The following ABR variants were observed in gnomAD, a reference collection of about 807,000 sequenced individuals.
ABR encodes the protein ABR activator of RhoGEF and GTPase, also known as active breakpoint cluster region-related protein.
ABR carries 35 observed loss-of-function variants against 107.2 expected under a neutral mutation model. The ratio of observed to expected loss-of-function variants is 0.33; its 90% CI spans 0.25 to 0.43. The LOEUF (loss-of-function observed/expected upper bound fraction) is 0.43, where lower values mean the gene tolerates loss of function less well. Among genes scored for constraint, ABR ranks in the 20% least tolerant of loss-of-function variants. The pLI is 1.00. For missense variants in ABR, 815 were observed against 1,115.2 expected, an observed-to-expected ratio of 0.73 and a Z score of 3.83; for synonymous variants, 498 against 462.0, an observed-to-expected ratio of 1.08 and a Z score of -1.00.
chr17:1,048,140 T>C (rs2031913134), intron 16 of ABR, among the ~76,000 whole-genome samples: 1 of 151,932 alleles, frequency 6.6e-6, no homozygotes, highest in African/African-American at 2.4e-5. Flanking sequence ...AGAGAGCAGG[T>C]CCCAGGGACT....
intron 1 of ABR, among the ~76,000 whole-genome samples, chr17:1,195,677 G>C (rs1361937293): frequency 1.3e-5 from 2 of 151,442 alleles, no homozygotes; most frequent in African/African-American, 4.9e-5. Flanking sequence ...GGTGGTGGGC[G>C]CCTGTAGTCC....
chr17:1,093,634 C>T (rs1283534010), intron 3 of ABR, among the ~76,000 whole-genome samples: 3 of 152,148 alleles, frequency 2.0e-5, no homozygotes, highest in Non-Finnish European at 4.4e-5. Context: ...TGGGTGACTC[C>T]ACTGCTGAAA....
chr17:1,166,790 A>T (rs1159285486), intron 1 of ABR, among the ~76,000 whole-genome samples: 2 of 152,166 alleles, frequency 1.3e-5, no homozygotes. Flanking sequence ...ACCTGAGGTC[A>T]GGAGTTTGAG....
At chr17:1,053,793 C>T (rs1232046497) in intron 14 of ABR, among the ~76,000 whole-genome samples, 2 of 152,050 alleles carry the variant, frequency 1.3e-5, no homozygotes, top group Admixed American at 6.5e-5. Flanking sequence ...GACCTCCCGG[C>T]CAACGGGAAG....
intron 14 of ABR, among the ~76,000 whole-genome samples, chr17:1,053,751 T>G (rs1286075371): frequency 6.6e-6 from 1 of 152,066 alleles, no homozygotes; most frequent in East Asian, 1.9e-4. Context: ...CCGCCCAGGC[T>G]GGGAGGCCAC....
rs559325512 is a variant in ABR at position 1,148,723 on chromosome 17, G to A, written c.62-23356C>T. ...TGGAAAAAGTGTCTTCCACGAAGCC[G>A]GTCCCTGGTGCGCTGGTTTCACAGA... is the stretch of plus-strand genomic sequence containing the variant. On this transcript the variant is annotated intron_variant, in intron 1 of 22. Coordinates refer to ENST00000302538, the MANE Select transcript of ABR (RefSeq NM_021962.5). This position sits in a 1 kb window ranked among gnomAD's most constrained non-coding sequence, Gnocchi z 4.9. Among the ~76,000 whole-genome samples, 1 of 152,290 alleles carries A rather than the reference G, an allele frequency of 6.6e-6. No individual in the cohort carries two copies. The highest frequency in any genetic ancestry group is 2.4e-5 in the African/African-American group (1 of 41,564).
At chr17:1,024,712 G>A (rs1018791651) in intron 16 of ABR, among the ~76,000 whole-genome samples, 32 of 150,412 alleles carry the variant, frequency 2.1e-4, no homozygotes, top group African/African-American at 7.8e-4. Flanking sequence ...CTTGAGCCTG[G>A]GAGATGGAGG....
In ABR at chr17:1,010,692, T is replaced by C. The variant is rs769547647; in HGVS notation, c.2236+37A>G. ...CCGGGCAGGGAGTCCTGGCTCAGTCTGGCCCAGCCCAGTCCTAGGAGCCCT... is the reference window on the plus strand; with the variant it reads ...CCGGGCAGGGAGTCCTGGCTCAGTCCGGCCCAGCCCAGTCCTAGGAGCCCT... On this transcript the variant is annotated intron_variant, in intron 20 of 22. Coordinates refer to ENST00000302538, the MANE Select transcript of ABR (RefSeq NM_021962.5). This position sits in a 1 kb window ranked among gnomAD's most constrained non-coding sequence, Gnocchi z 4.1. The C allele has an allele frequency of 6.2e-7, 1 of 1,606,174 alleles. No individual in the cohort carries two copies. The highest frequency in any genetic ancestry group is 8.5e-7 in the Non-Finnish European group (1 of 1,175,988).
At chr17:1,096,434 G>A (rs371873571) in intron 3 of ABR, among the ~76,000 whole-genome samples, 121 of 152,308 alleles carry the variant, frequency 7.9e-4, no homozygotes, top group African/African-American at 2.9e-3. Flanking sequence ...AGAGCAGAAG[G>A]TTTAGCTTCC....
At chr17:1,155,004 C>T (rs1380958394) in intron 1 of ABR, 1 of 152,004 alleles carries the variant, frequency 6.6e-6, no homozygotes, top group Non-Finnish European at 1.5e-5. Flanking sequence ...AGATCCCTTC[C>T]CGGGCGCCCT....
rs1292490844 is a variant in ABR, at chr17:1,084,018, G to C, written c.532-391C>G. On this transcript the variant is annotated intron_variant, in intron 4 of 22. Coordinates refer to ENST00000302538, the MANE Select transcript of ABR (RefSeq NM_021962.5). The surrounding 1 kb of genome is among the most constrained non-coding windows in gnomAD (Gnocchi z 4.2). ...AATTAGCCGGAGCAGGGAGAGAGGG[G>C]GGTGTGTGTGCTGGGGGGAGCTGGC... is the stretch of plus-strand genomic sequence containing the variant. 6.6e-6 allele frequency among the ~76,000 whole-genome samples: 1 copy of C among 152,142 alleles called. No homozygotes were observed. The highest frequency in any genetic ancestry group is 1.5e-5 in the Non-Finnish European group (1 of 68,018).
chr17:1,159,330 ACTCACGCACAAG>A, intron 1 of ABR, among the ~76,000 whole-genome samples: 1 of 105,630 alleles, frequency 9.5e-6, no homozygotes, highest in South Asian at 3.4e-4. Flanking sequence ...AGAATGCAGT[ACTCACGCACAAG>A]GGAAGTATGC....
intron 1 of ABR, among the ~76,000 whole-genome samples, chr17:1,193,306 C>A (rs1297118488): frequency 6.6e-6 from 1 of 151,666 alleles, no homozygotes; most frequent in Non-Finnish European, 1.5e-5. Context: ...TCAGGACTCC[C>A]CCGCTCTCCC....
At chr17:1,086,780 C>T (rs931822147) in intron 4 of ABR, among the ~76,000 whole-genome samples, 3 of 152,166 alleles carry the variant, frequency 2.0e-5, no homozygotes, top group African/African-American at 4.8e-5. Context: ...GGATTACGGG[C>T]GTGAGCCACC....
At chr17:1,149,463 C>G (rs1338622161) in intron 1 of ABR, among the ~76,000 whole-genome samples, 1 of 146,130 alleles carries the variant, frequency 6.8e-6, no homozygotes, top group African/African-American at 2.5e-5. Context: ...CTCACTCTGT[C>G]ACCCAGGCTG....
rs959336479 is a variant in ABR, at chr17:1,062,030, C to A, written c.1183-3163G>T. Among the ~76,000 whole-genome samples the A allele has an allele frequency of 3.9e-5, 6 of 152,314 alleles. 1 individual carries two copies. The highest frequency in any genetic ancestry group is 4.4e-5 in the Non-Finnish European group (3 of 68,032). ...CAGGATCTGGGGACAGGGCACCCAA[C>A]CAAGACTGTGGTGGGCGTGGGTGTC... On this transcript the variant is annotated intron_variant, in intron 10 of 22. Coordinates refer to ENST00000302538, the MANE Select transcript of ABR (RefSeq NM_021962.5).
upstream of ABR, among the ~76,000 whole-genome samples, chr17:1,184,218 G>A (rs977202518): frequency 1.3e-5 from 2 of 151,626 alleles, no homozygotes. Context: ...TACTCTGGGA[G>A]GCCGAGGTGG....
At chr17:1,124,394 A>C (rs1464111983) in intron 2 of ABR, among the ~76,000 whole-genome samples, 1 of 152,154 alleles carries the variant, frequency 6.6e-6, no homozygotes, top group Non-Finnish European at 1.5e-5. Context: ...GCCTCCTGCA[A>C]CACACACCCC....
chr17:1,020,894 C>G (rs531032961), intron 16 of ABR, among the ~76,000 whole-genome samples: 1 of 152,096 alleles, frequency 6.6e-6, no homozygotes, highest in Non-Finnish European at 1.5e-5. Context: ...GCCAGCTCCC[C>G]GTGCTCGGAT....
Sources: allele counts gnomAD v4.1 joint callset (sites outside exome capture counted in the v4.1 genomes callset), GRCh38; gene constraint gnomAD v4.1.1; non-coding constraint Gnocchi (gnomAD v3.1); transcripts MANE v1.5; gene names NCBI Gene and HGNC (gene_info 2026-07-23, HGNC 2026-07-21).